The following CCDC60 variants were observed in gnomAD, a reference collection of about 807,000 sequenced individuals.
The protein encoded by CCDC60 is coiled-coil domain containing 60.
Under a neutral mutation model 63.5 loss-of-function variants are expected in CCDC60, and 54 were observed. The ratio of observed to expected loss-of-function variants is 0.85; its 90% CI spans 0.68 to 1.07. The LOEUF is 1.07. Among genes scored for constraint, CCDC60 ranks in the 50% least tolerant of loss-of-function variants. The probability of loss-of-function intolerance (pLI) is 0.00; values close to 1 mark genes in which losing one functional copy is unlikely to be tolerated. For missense variants in CCDC60, 651 were observed against 684.3 expected, an observed-to-expected ratio of 0.95 and a Z score of 0.54; for synonymous variants, 206 against 238.8, an observed-to-expected ratio of 0.86 and a Z score of 1.27.
At chr12:119,387,680 A>C (rs1956084429) in intron 1 of CCDC60, among the ~76,000 whole-genome samples, 1 of 152,182 alleles carries the variant, frequency 6.6e-6, no homozygotes, top group Non-Finnish European at 1.5e-5. Flanking sequence ...ATATGTATTT[A>C]TTTCACAACT....
chr12:119,349,618 C>T (rs541776711), intron 1 of CCDC60, among the ~76,000 whole-genome samples: 6 of 151,328 alleles, frequency 4.0e-5, no homozygotes, highest in Admixed American at 1.3e-4. Context: ...GGATTATAGG[C>T]GTGAGCCACT....
intron 2 of CCDC60, among the ~76,000 whole-genome samples, chr12:119,432,122 T>C (rs1000928895): frequency 1.3e-5 from 2 of 150,364 alleles, no homozygotes; most frequent in Non-Finnish European, 3.0e-5. Flanking sequence ...AATTTTGCAA[T>C]GACAGTTTCA....
chr12:119,453,066 A>T (rs557397674), intron 2 of CCDC60, among the ~76,000 whole-genome samples: 1 of 152,310 alleles, frequency 6.6e-6, no homozygotes, highest in Non-Finnish European at 1.5e-5. Context: ...ATCTCAGGCA[A>T]TCTGCCCACC....
chr12:119,527,305 T>TA (rs1491098267), intron 11 of CCDC60, among the ~76,000 whole-genome samples: 1 of 152,064 alleles, frequency 6.6e-6, no homozygotes, highest in Non-Finnish European at 1.5e-5. Flanking sequence ...AAAAAATAAC[T>TA]ATTGGGTACA....
At chr12:119,472,277 C>T in intron 3 of CCDC60, 113 bp downstream of exon 3, 1 of 957,540 alleles carries the variant, frequency 1.0e-6, no homozygotes. Context: ...TGCCCCTTCT[C>T]AGCCTGGCAT....
intron 5 of CCDC60, among the ~76,000 whole-genome samples, chr12:119,493,028 G>A (rs1021100000): frequency 1.3e-5 from 2 of 152,134 alleles, no homozygotes; most frequent in East Asian, 3.9e-4. Context: ...GGCTACAGAA[G>A]GTTGCCCAAA....
At chr12:119,463,427 G>T (rs766971943) in intron 2 of CCDC60, among the ~76,000 whole-genome samples, 26 of 152,230 alleles carry the variant, frequency 1.7e-4, no homozygotes, top group Non-Finnish European at 3.5e-4. Context: ...CACCACTTGG[G>T]TTCAGACCTC....
rs866182872 is a variant in CCDC60 at position 119,519,411 on chromosome 12, G to A, written c.969-710G>A. ...GAGGTAGTGATATATATGTGTGTGTGTGTGTGTGTGTGTGTGTGTGTGTGC... is the reference window on the plus strand; with the variant it reads ...GAGGTAGTGATATATATGTGTGTGTATGTGTGTGTGTGTGTGTGTGTGTGC... On this transcript the variant is annotated intron_variant, in intron 8 of 13. Coordinates refer to ENST00000327554, the MANE Select transcript of CCDC60 (RefSeq NM_178499.5). Among the ~76,000 whole-genome samples, 1,275 of 131,092 alleles carry A rather than the reference G, an allele frequency of 9.7e-3. 25 individuals are homozygous for A. The highest frequency in any genetic ancestry group is 0.041 in the African/African-American group (1,161 of 28,490). The allele number at this position is 131,092 out of a possible 152,430, so 86.0% of individuals were successfully genotyped here.
rs1052648712 is a variant in CCDC60 at position 119,352,871 on chromosome 12, C to T, written c.90+17605C>T. On this transcript the variant is annotated intron_variant, in intron 1 of 13. Coordinates refer to ENST00000327554, the MANE Select transcript of CCDC60 (RefSeq NM_178499.5). ...AGGAGAATCACTTGGACCAGGGAGG[C>T]GGAGGTTATAGTGAGCCAAGATTGT... Among the ~76,000 whole-genome samples the T allele has an allele frequency of 4.6e-5, 7 of 151,960 alleles. No individual in the cohort carries two copies. The South Asian group carries it at 8.3e-4, about 18-fold the overall frequency.
At chr12:119,500,315 A>G in intron 6 of CCDC60, 147 bp downstream of exon 6, 1 of 641,884 alleles carries the variant, frequency 1.6e-6, no homozygotes, top group South Asian at 1.8e-5. Context: ...AGGCTGTTGG[A>G]TGGTTTTTGT....
At chr12:119,463,990 CCTCT>C (rs1593125264) in intron 2 of CCDC60, among the ~76,000 whole-genome samples, 1 of 151,704 alleles carries the variant, frequency 6.6e-6, no homozygotes, top group East Asian at 1.9e-4. Context: ...TTTCTTTTTT[CCTCT>C]CTCCCTTCCT....
chr12:119,349,031 C>A (rs1006946318), intron 1 of CCDC60, among the ~76,000 whole-genome samples: 3 of 152,172 alleles, frequency 2.0e-5, no homozygotes, highest in Non-Finnish European at 4.4e-5. Flanking sequence ...TGCTAAGAGG[C>A]AGGCATTATT....
At chr12:119,523,966 G>A (rs775212860) in intron 11 of CCDC60, 148 bp downstream of exon 11, 4 of 739,606 alleles carry the variant, frequency 5.4e-6, no homozygotes, top group Non-Finnish European at 8.7e-6. Flanking sequence ...TGGAAAATAT[G>A]GGCAGAAACA....
At chr12:119,348,697 A>G (rs1357242593) in intron 1 of CCDC60, among the ~76,000 whole-genome samples, 1 of 152,126 alleles carries the variant, frequency 6.6e-6, no homozygotes, top group Non-Finnish European at 1.5e-5. Flanking sequence ...AATGCTCTTG[A>G]TGTTTTATGT....
rs1173768783 is a variant in CCDC60 at position 119,519,468 on chromosome 12, T to TATA, written c.969-653_969-652insATA. 5.9e-3 allele frequency among the ~76,000 whole-genome samples: 487 copies of TATA among 82,786 alleles called. 5 individuals carry two copies. The highest frequency in any genetic ancestry group is 0.04 in the East Asian group (142 of 3,520). The allele number at this position is 82,786 out of a possible 152,430, so 54.3% of individuals were successfully genotyped here. A position where few individuals can be genotyped will look rare whatever the true frequency, so the allele number is the denominator to read the frequency against. The stretch of plus-strand genomic sequence containing the variant: ...GTGTGTGTGTATATATATATATATA[T>TATA]TTTTTTTTTTTTTTGACAGAGTCAT... On this transcript the variant is annotated intron_variant, in intron 8 of 13. Coordinates refer to ENST00000327554, the MANE Select transcript of CCDC60 (RefSeq NM_178499.5).
chr12:119,360,369 G>T (rs568764694), intron 1 of CCDC60, among the ~76,000 whole-genome samples: 1 of 87,516 alleles, frequency 1.1e-5, no homozygotes, highest in African/African-American at 4.6e-5. Flanking sequence ...TCCCGGACGG[G>T]GCGGCTGGCC....
rs1361965159 is a variant in CCDC60 at position 119,520,127 on chromosome 12, G to T, written c.975G>T (p.Leu325Phe). ...NGMQRKAPSI[L>F]SVLKQNKSNS... ...GACTCATTTTGCCTTGCAGCATCTT[G>T]TCAGTGCTGAAACAAAACAAGAGTA... is the stretch of plus-strand genomic sequence containing the variant. Residue 325 changes from leucine (L) to phenylalanine (F), a missense_variant, in exon 9 of 14, where the codon TTG (leucine) becomes TTT (phenylalanine). Coordinates refer to ENST00000327554, the MANE Select transcript of CCDC60 (RefSeq NM_178499.5). 1 of 1,613,662 alleles carries T rather than the reference G, an allele frequency of 6.2e-7. No homozygotes were observed. The highest frequency in any genetic ancestry group is 8.5e-7 in the Non-Finnish European group (1 of 1,179,840).
intron 1 of CCDC60, among the ~76,000 whole-genome samples, chr12:119,367,716 A>G (rs1955854658): frequency 6.6e-6 from 1 of 152,206 alleles, no homozygotes; most frequent in African/African-American, 2.4e-5. Context: ...TACTAATGCA[A>G]CCTGCAACAT....
chr12:119,361,953 GC>G (rs1955795568), intron 1 of CCDC60, among the ~76,000 whole-genome samples: 3 of 152,152 alleles, frequency 2.0e-5, no homozygotes, highest in Non-Finnish European at 4.4e-5. Context: ...AATGAGTATG[GC>G]CATATAATTT....
Sources: allele counts gnomAD v4.1 joint callset (sites outside exome capture counted in the v4.1 genomes callset), GRCh38; gene constraint gnomAD v4.1.1; transcripts MANE v1.5; gene names NCBI Gene and HGNC (gene_info 2026-07-23, HGNC 2026-07-21).